The following NRXN1 variants were observed in gnomAD, a reference collection of about 807,000 sequenced individuals.
The protein encoded by NRXN1 is neurexin 1, also known as neurexin-1.
NRXN1 carries 39 observed loss-of-function variants against 150.9 expected under a neutral mutation model. The ratio of observed to expected loss-of-function variants is 0.26; its 90% CI spans 0.20 to 0.34. NRXN1 has a LOEUF of 0.34. NRXN1 is among the 10% of genes least tolerant of loss of function. NRXN1 has a pLI of 1.00. For synonymous variants in NRXN1, 924 were observed against 757.0 expected, an observed-to-expected ratio of 1.22 and a Z score of -3.62; for missense variants, 1,815 against 1,949.9, an observed-to-expected ratio of 0.93 and a Z score of 1.30.
chr2:49,932,344 C>T, intron 22 of NRXN1, among the ~76,000 whole-genome samples: 1 of 152,126 alleles, frequency 6.6e-6, no homozygotes, highest in Non-Finnish European at 1.5e-5. Context: ...TCACTTGAGC[C>T]CAGCAGTTTG....
chr2:50,977,311 C>T (rs984648849), intron 2 of NRXN1, among the ~76,000 whole-genome samples: 1 of 151,634 alleles, frequency 6.6e-6, no homozygotes, highest in Non-Finnish European at 1.5e-5. Context: ...GAAAGAAAAT[C>T]TAATTTTTCA....
At chr2:50,743,154 T>C (rs858938) in intron 5 of NRXN1, among the ~76,000 whole-genome samples, 1 of 152,108 alleles carries the variant, frequency 6.6e-6, no homozygotes, top group African/African-American at 2.4e-5. Flanking sequence ...AATTTGATTT[T>C]ACTTTTGCAT....
At chr2:50,399,618 A>G (rs1244282911) in intron 17 of NRXN1, among the ~76,000 whole-genome samples, 1 of 151,748 alleles carries the variant, frequency 6.6e-6, no homozygotes, top group Non-Finnish European at 1.5e-5. Flanking sequence ...GCATGGAGTT[A>G]GGCTTGCCTA....
intron 17 of NRXN1, among the ~76,000 whole-genome samples, chr2:50,241,453 G>C (rs976956572): frequency 6.6e-6 from 1 of 151,698 alleles, no homozygotes; most frequent in Non-Finnish European, 1.5e-5. Context: ...TACCACATCA[G>C]TACCATGACT....
rs966044604 is a variant in NRXN1, at chr2:50,779,745, G to A, written c.832+142124C>T. ...ATCGCGCCACTGCACTCCAGCCTGG[G>A]TGACAGAGCCGGACTCCGTCGCAAA... On this transcript the variant is annotated intron_variant, in intron 5 of 22. Transcript: ENST00000401669. Among the ~76,000 whole-genome samples, 6 of 151,988 alleles carry A rather than the reference G, an allele frequency of 3.9e-5. No homozygotes were observed. The South Asian group carries it at 1.0e-3, about 26-fold the overall frequency.
chr2:50,231,117 C>A (rs1258110267), intron 18 of NRXN1, among the ~76,000 whole-genome samples: 1 of 152,026 alleles, frequency 6.6e-6, no homozygotes, highest in Non-Finnish European at 1.5e-5. Context: ...ATATATACAA[C>A]ATATGATTTA....
At chr2:50,929,067 G>C (rs17512708) in intron 2 of NRXN1, among the ~76,000 whole-genome samples, 39,878 of 151,948 alleles carry the variant, frequency 0.26, 5,870 homozygotes, top group Non-Finnish European at 0.34. Flanking sequence ...TAATGGCTGT[G>C]TGCTGACAAG....
At chr2:50,685,069 G>C (rs902632122) in intron 5 of NRXN1, among the ~76,000 whole-genome samples, 20 of 152,048 alleles carry the variant, frequency 1.3e-4, no homozygotes, top group African/African-American at 4.8e-4. Flanking sequence ...TTCAATTTTG[G>C]CTTGTTTCTC....
chr2:50,207,359 C>G (rs1054007615), intron 18 of NRXN1, among the ~76,000 whole-genome samples: 1 of 151,958 alleles, frequency 6.6e-6, no homozygotes, highest in Non-Finnish European at 1.5e-5. Context: ...ACCTCTGTAA[C>G]TCACCTCTTG....
At chr2:50,816,221 A>G (rs1046437096) in intron 5 of NRXN1, among the ~76,000 whole-genome samples, 1 of 152,090 alleles carries the variant, frequency 6.6e-6, no homozygotes, top group Admixed American at 6.6e-5. Context: ...GCCATTATCT[A>G]TTATGCCCCA....
intron 17 of NRXN1, among the ~76,000 whole-genome samples, chr2:50,394,272 A>G (rs751150315): frequency 1.7e-4 from 26 of 152,042 alleles, no homozygotes; most frequent in Admixed American, 6.6e-5. Flanking sequence ...ATTCTGACTC[A>G]TGTATCCATC....
chr2:50,091,583 T>A, intron 18 of NRXN1, 89 bp from the exon 19 acceptor site: 1 of 1,380,522 alleles, frequency 7.2e-7, no homozygotes, highest in Non-Finnish European at 1.0e-6. Context: ...TTTTAAAATG[T>A]GCTTTGGACA....
At chr2:50,617,106 G>T (rs962267994) in intron 8 of NRXN1, among the ~76,000 whole-genome samples, 3 of 152,060 alleles carry the variant, frequency 2.0e-5, no homozygotes, top group Non-Finnish European at 4.4e-5. Context: ...ATAGATAATG[G>T]TTCAGACAGG....
In NRXN1 at chr2:49,920,267, A is replaced by C. The variant is rs1667965976; in HGVS notation, c.*1677T>G. 6.6e-6 allele frequency: 1 copy of C among 152,370 alleles called. No individual in the cohort carries two copies. Among genetic ancestry groups the C allele is most frequent in the South Asian group, 2.1e-4 (1 of 4,830 alleles). The allele number at this position is 152,370 out of a possible 1,614,324, so 9.4% of individuals were successfully genotyped here. A position where few individuals can be genotyped will look rare whatever the true frequency, so the allele number is the denominator to read the frequency against. Reference sequence around the variant, plus strand: ...TGATTTTTTAAGTGGGTAGTAATACAGAATCAAAAATTACTGAAAAATACT... The same window carrying C: ...TGATTTTTTAAGTGGGTAGTAATACCGAATCAAAAATTACTGAAAAATACT... On this transcript the variant is annotated 3_prime_UTR_variant, in exon 23 of 23. Coordinates refer to ENST00000401669, the MANE Select transcript of NRXN1 (RefSeq NM_001330078.2).
chr2:50,026,859 CTTTTTTTTTTTTTTTTTTTTTTTTTTT>C (rs57580154), intron 21 of NRXN1, among the ~76,000 whole-genome samples: 2 of 65,234 alleles, frequency 3.1e-5, no homozygotes, highest in African/African-American at 1.3e-4. Context: ...CTTTTCTTTT[CTTTTTTTTTTTTTTTTTTTTTTTTTTT>C]TTTTTTTTTT....
intron 13 of NRXN1, among the ~76,000 whole-genome samples, chr2:50,499,717 G>T (rs563808967): frequency 6.6e-6 from 1 of 151,994 alleles, no homozygotes; most frequent in Non-Finnish European, 1.5e-5. Context: ...GGAGGCCTAG[G>T]GGGGCAGATC....
At chr2:50,918,360 C>T (rs1685510531) in intron 5 of NRXN1, 2 of 279,210 alleles carry the variant, frequency 7.2e-6, no homozygotes, top group South Asian at 1.7e-4. Flanking sequence ...TCTGGAAATA[C>T]AATGGTCAAA....
intron 5 of NRXN1, among the ~76,000 whole-genome samples, chr2:50,735,939 G>C (rs1698685284): frequency 1.3e-5 from 2 of 152,102 alleles, no homozygotes; most frequent in Non-Finnish European, 1.5e-5. Flanking sequence ...TGGGCTCTCA[G>C]ACATTCACTC....
At chr2:50,446,524 C>CCCTT (rs1251684693) in intron 17 of NRXN1, among the ~76,000 whole-genome samples, 4 of 131,246 alleles carry the variant, frequency 3.0e-5, no homozygotes, top group African/African-American at 2.9e-5. Flanking sequence ...CTCCCTCCCT[C>CCCTT]CCTTCCTTCC....
Sources: gnomAD v4.1 joint callset for allele counts (sites outside exome capture counted in the v4.1 genomes callset) on GRCh38, gnomAD v4.1.1 for gene constraint, MANE v1.5 for transcripts, NCBI Gene and HGNC (gene_info 2026-07-23, HGNC 2026-07-21) for gene names.